Variants in HHAT observed in about 807,000 individuals in gnomAD.
The protein encoded by HHAT is protein-cysteine N-palmitoyltransferase HHAT.
A neutral mutation model predicts 70.8 loss-of-function variants in HHAT; 47 were observed. The observed-to-expected ratio is 0.66, with a 90% CI of 0.53 to 0.85. The LOEUF is 0.85. Ranked by LOEUF, HHAT falls within the 40% of genes least tolerant of loss-of-function variation. The pLI is 0.00. For synonymous variants in HHAT, 228 were observed against 247.6 expected, an observed-to-expected ratio of 0.92 and a Z score of 0.74; for missense variants, 609 against 604.8, an observed-to-expected ratio of 1.01 and a Z score of -0.07.
At chr1:210,556,537 C>G (rs1315075880) in intron 9 of HHAT, among the ~76,000 whole-genome samples, 1 of 152,218 alleles carries the variant, frequency 6.6e-6, no homozygotes, top group South Asian at 2.1e-4. Flanking sequence ...CTCCTTTCCT[C>G]TCATCGCCTT....
chr1:210,510,337 G>A (rs2094932400), intron 8 of HHAT, among the ~76,000 whole-genome samples: 1 of 152,172 alleles, frequency 6.6e-6, no homozygotes, highest in African/African-American at 2.4e-5. Flanking sequence ...GAATGATGGT[G>A]TTGGCATGAG....
intron 9 of HHAT, among the ~76,000 whole-genome samples, chr1:210,527,501 G>A (rs532206324): frequency 1.3e-5 from 2 of 152,286 alleles, no homozygotes; most frequent in South Asian, 2.1e-4. Flanking sequence ...GTAATACAAT[G>A]GCTGTTAGCC....
chr1:210,664,524 A>G (rs1678473004), intron 11 of HHAT, among the ~76,000 whole-genome samples: 1 of 152,200 alleles, frequency 6.6e-6, no homozygotes, highest in Non-Finnish European at 1.5e-5. Context: ...CGGTGTCAGC[A>G]CCCTAGGTCT....
intron 2 of HHAT, among the ~76,000 whole-genome samples, chr1:210,352,816 C>A (rs1304305224): frequency 6.6e-6 from 1 of 152,098 alleles, no homozygotes; most frequent in South Asian, 2.1e-4. Flanking sequence ...GATAGTGATC[C>A]GCTATGCTGG....
At chr1:210,346,328 A>G (rs2086523179) in intron 1 of HHAT, among the ~76,000 whole-genome samples, 2 of 152,332 alleles carry the variant, frequency 1.3e-5, no homozygotes, top group South Asian at 4.1e-4. Flanking sequence ...TAATACCAAC[A>G]TCTTTTGACA....
chr1:210,634,100 G>T (rs1378632445), intron 11 of HHAT, among the ~76,000 whole-genome samples: 1 of 152,194 alleles, frequency 6.6e-6, no homozygotes, highest in Non-Finnish European at 1.5e-5. Context: ...AAAAGTTATT[G>T]TATTTCTTTG....
intron 9 of HHAT, among the ~76,000 whole-genome samples, chr1:210,580,691 A>T (rs894514386): frequency 2.0e-5 from 3 of 152,136 alleles, no homozygotes; most frequent in Admixed American, 6.5e-5. Context: ...ATGTCTGCAT[A>T]GTATTCCACA....
intron 10 of HHAT, among the ~76,000 whole-genome samples, chr1:210,615,640 AG>A (rs1460590596): frequency 1.3e-5 from 2 of 152,108 alleles, no homozygotes; most frequent in African/African-American, 4.8e-5. Flanking sequence ...TCTGTTTGTT[AG>A]TTTTCCTTCT....
At chr1:210,527,760 G>A (rs1469977050) in intron 9 of HHAT, among the ~76,000 whole-genome samples, 1 of 152,180 alleles carries the variant, frequency 6.6e-6, no homozygotes, top group Non-Finnish European at 1.5e-5. Flanking sequence ...GAGTGGAGTT[G>A]CCATAGGCCA....
rs1021010404 is a variant in HHAT, at chr1:210,634,936, C to G, written c.1390+11266C>G. On this transcript the variant is annotated intron_variant, in intron 11 of 11. Transcript: ENST00000261458. Reference sequence around the variant, plus strand: ...GACAGTGGTCAGCTGGGTCTGGGTGCAAGGCTAAGTTATTTTTACAGAGAA... The same window carrying G: ...GACAGTGGTCAGCTGGGTCTGGGTGGAAGGCTAAGTTATTTTTACAGAGAA... Among the ~76,000 whole-genome samples, 10 of 152,240 alleles carry G rather than the reference C, an allele frequency of 6.6e-5. No homozygotes were observed. In the East Asian group the frequency reaches 1.9e-3, roughly 29 times the overall value.
intron 7 of HHAT, among the ~76,000 whole-genome samples, chr1:210,431,817 A>T (rs1472618621): frequency 6.6e-6 from 1 of 151,932 alleles, no homozygotes; most frequent in Non-Finnish European, 1.5e-5. Flanking sequence ...GGCAGCCAGT[A>T]CTTTGTATTA....
chr1:210,378,317 A>G (rs957228584), intron 3 of HHAT, among the ~76,000 whole-genome samples: 1 of 152,224 alleles, frequency 6.6e-6, no homozygotes, highest in African/African-American at 2.4e-5. Flanking sequence ...ATTAGAAATT[A>G]TATATGGTCT....
chr1:210,412,883 A>AC (rs1263682803), intron 6 of HHAT, among the ~76,000 whole-genome samples: 2 of 151,816 alleles, frequency 1.3e-5, no homozygotes, highest in Non-Finnish European at 2.9e-5. Context: ...AGGCAGCCAC[A>AC]CCCCCTCACA....
intron 8 of HHAT, among the ~76,000 whole-genome samples, chr1:210,498,524 C>T (rs1014624333): frequency 6.6e-6 from 1 of 152,156 alleles, no homozygotes; most frequent in Non-Finnish European, 1.5e-5. Context: ...TTTATGTTCT[C>T]ACCTGTGCAT....
In HHAT at chr1:210,558,520, G is replaced by A. The variant is rs150388409; in HGVS notation, c.1044-29378G>A. Among the ~76,000 whole-genome samples the A allele has an allele frequency of 8.1e-4, 123 of 152,304 alleles. 2 individuals are homozygous for A. The East Asian group carries it at 0.021, about 26-fold the overall frequency. Reference sequence around the variant, plus strand: ...TTGGCTTGAGCAGTTTGTAATGATTGTAGAGGGAGCATAAGGGGGAAGGGA... The same window carrying A: ...TTGGCTTGAGCAGTTTGTAATGATTATAGAGGGAGCATAAGGGGGAAGGGA... On this transcript the variant is annotated intron_variant, in intron 9 of 11. Coordinates refer to ENST00000261458, the MANE Select transcript of HHAT (RefSeq NM_018194.6).
rs571584146 is a variant in HHAT, at chr1:210,396,930, A to C, written c.274-3538A>C. 2.7e-3 allele frequency among the ~76,000 whole-genome samples: 404 copies of C among 152,328 alleles called. 4 individuals carry two copies. The highest frequency in any genetic ancestry group is 2.8e-3 in the Non-Finnish European group (190 of 68,036). On this transcript the variant is annotated intron_variant, in intron 4 of 11. Coordinates refer to ENST00000261458, the MANE Select transcript of HHAT (RefSeq NM_018194.6). ...AAATGAGGTATAAAATGGCAACACA[A>C]GGAATCCTTGTGGTGATGGAGCTGT...
chr1:210,634,586 TCAGA>T (rs930441350), intron 11 of HHAT, among the ~76,000 whole-genome samples: 5 of 152,248 alleles, frequency 3.3e-5, no homozygotes, highest in African/African-American at 7.2e-5. Context: ...GCGCTTTTTC[TCAGA>T]CAGTCATTGG....
chr1:210,550,893 C>A (rs1296323073), intron 9 of HHAT, among the ~76,000 whole-genome samples: 1 of 137,762 alleles, frequency 7.3e-6, no homozygotes, highest in Non-Finnish European at 1.5e-5. Flanking sequence ...GTCTTGAACT[C>A]TTGACCTTAA....
chr1:210,573,699 G>A (rs569059457), intron 9 of HHAT, among the ~76,000 whole-genome samples: 21 of 152,208 alleles, frequency 1.4e-4, no homozygotes, highest in African/African-American at 4.8e-4. Flanking sequence ...ATCAGTCCCC[G>A]CCAGCTGTCC....
Sources: gnomAD v4.1 joint callset for allele counts (sites outside exome capture counted in the v4.1 genomes callset) on GRCh38, gnomAD v4.1.1 for gene constraint, MANE v1.5 for transcripts, NCBI Gene and HGNC (gene_info 2026-07-23, HGNC 2026-07-21) for gene names.